NGLY1: variants seen among roughly 807,000 people sequenced by gnomAD.
NGLY1 encodes peptide-N(4)-(N-acetyl-beta-glucosaminyl)asparagine amidase.
NGLY1 carries 68 observed loss-of-function variants against 84.6 expected under a neutral mutation model. The observed-to-expected ratio is 0.80, with a 90% CI of 0.66 to 0.98. NGLY1 has a LOEUF of 0.98. Among genes scored for constraint, NGLY1 ranks in the 50% least tolerant of loss-of-function variants. The pLI, the probability that NGLY1 is intolerant of heterozygous loss-of-function variation, is 0.00. For missense variants in NGLY1, 779 were observed against 770.2 expected (o/e 1.01, Z -0.14); for synonymous variants, 280 against 275.2 (o/e 1.02, Z -0.17).
chr3:25,754,664 GA>G (rs34986608), intron 3 of NGLY1, among the ~76,000 whole-genome samples: 98,920 of 145,806 alleles, frequency 0.68, 37,823 homozygotes, highest in East Asian at 0.94. Context: ...CAACTGTTAG[GA>G]AAAAAAAAAA....
chr3:25,733,507 GTGTGTGTGTA>G (rs1386444026), intron 8 of NGLY1, among the ~76,000 whole-genome samples: 95 of 147,410 alleles, frequency 6.4e-4, no homozygotes, highest in African/African-American at 2.1e-3. Context: ...GTGTGTGTGT[GTGTGTGTGTA>G]TGTACATACA....
At chr3:25,744,910 G>C (rs1706342182) in intron 4 of NGLY1, among the ~76,000 whole-genome samples, 1 of 152,130 alleles carries the variant, frequency 6.6e-6, no homozygotes, top group African/African-American at 2.4e-5. Context: ...AAGGCACCTA[G>C]GTCTTTGATG....
chr3:25,734,960 A>G (rs1033376804), intron 7 of NGLY1: 1 of 550,342 alleles, frequency 1.8e-6, no homozygotes, highest in Admixed American at 6.4e-5. Context: ...ATACAAGTGG[A>G]AAGACAATTC....
intron 4 of NGLY1, chr3:25,749,803 C>T (rs774824362): frequency 6.3e-6 from 8 of 1,276,444 alleles, no homozygotes; most frequent in Non-Finnish European, 9.0e-6. Flanking sequence ...ATGTTTCCTC[C>T]AAGAACTGCA....
At chr3:25,745,527 T>C (rs1706374624) in intron 4 of NGLY1, among the ~76,000 whole-genome samples, 1 of 152,224 alleles carries the variant, frequency 6.6e-6, no homozygotes, top group Admixed American at 6.5e-5. Context: ...TTTAATTTCC[T>C]AGTTGCCTAG....
intron 1 of NGLY1, among the ~76,000 whole-genome samples, chr3:25,789,499 G>T (rs1037235772): frequency 2.0e-5 from 3 of 152,148 alleles, no homozygotes; most frequent in African/African-American, 7.2e-5. Flanking sequence ...GACCTTTAAA[G>T]AATTATTTTT....
upstream of NGLY1, among the ~76,000 whole-genome samples, chr3:25,786,322 CA>C (rs1351398769): frequency 2.0e-3 from 233 of 114,600 alleles, no homozygotes; most frequent in Middle Eastern, 4.7e-3. Flanking sequence ...GACTCTACCT[CA>C]AAAAAAAAAA....
chr3:25,740,423 C>T (rs1292459651), intron 4 of NGLY1, among the ~76,000 whole-genome samples: 1 of 152,068 alleles, frequency 6.6e-6, no homozygotes, highest in Non-Finnish European at 1.5e-5. Flanking sequence ...ACAGATCTCT[C>T]TTGTTCATAT....
upstream of NGLY1, among the ~76,000 whole-genome samples, chr3:25,787,819 T>C (rs115705387): frequency 1.9e-3 from 287 of 152,332 alleles, 1 homozygote; most frequent in African/African-American, 6.8e-3. Context: ...GTCCCACACT[T>C]CAAATTTGAC....
In NGLY1 at chr3:25,783,008, G is replaced by A; in HGVS notation, c.131+252C>T. 2.3e-6 allele frequency: 1 copy of A among 443,170 alleles called. No individual in the cohort carries two copies. The highest frequency in any genetic ancestry group is 2.7e-5 in the South Asian group (1 of 37,090). 27.5% of individuals were successfully genotyped at this position (443,170 alleles called of 1,614,324 possible). On this transcript the variant is annotated intron_variant, in intron 1 of 11. Transcript: ENST00000280700. This position sits in a 1 kb window ranked among gnomAD's most constrained non-coding sequence, Gnocchi z 4.5. ...CTTCCGGGACTCCAGTTCACCCGCA[G>A]CACCCTGACTGCAGGTGCCAAGTCA...
intron 4 of NGLY1, among the ~76,000 whole-genome samples, chr3:25,750,818 G>C (rs1055307310): frequency 6.6e-6 from 1 of 152,086 alleles, no homozygotes; most frequent in Non-Finnish European, 1.5e-5. Flanking sequence ...CTGTCCCTCA[G>C]TATATGCTGG....
intron 2 of NGLY1, chr3:25,778,350 A>G (rs1428716813): frequency 1.1e-5 from 4 of 360,292 alleles, no homozygotes; most frequent in Non-Finnish European, 2.0e-5. Context: ...TAAAGAACTG[A>G]GACTCGTAAG....
At chr3:25,768,566 T>A in intron 2 of NGLY1, among the ~76,000 whole-genome samples, 1 of 146,758 alleles carries the variant, frequency 6.8e-6, no homozygotes, top group South Asian at 2.2e-4. Flanking sequence ...TAAGACTTTT[T>A]TTTTTTTTTT....
At chr3:25,779,432 A>AT (rs1708310249) in intron 1 of NGLY1, among the ~76,000 whole-genome samples, 2 of 152,254 alleles carry the variant, frequency 1.3e-5, no homozygotes, top group Admixed American at 1.3e-4. Context: ...TAAGCTAATC[A>AT]TAGTATTATA....
Position 25,783,407 on chromosome 3 carries a change from G to GCGCCGC in NGLY1, c.-23_-18dup. 6.6e-7 allele frequency: 1 copy of GCGCCGC among 1,522,682 alleles called. No homozygotes were observed. Among genetic ancestry groups the GCGCCGC allele is most frequent in the Non-Finnish European group, 8.8e-7 (1 of 1,136,380 alleles). 94.3% of individuals were successfully genotyped at this position (1,522,682 alleles called of 1,614,324 possible). A position where few individuals can be genotyped will look rare whatever the true frequency, so the allele number is the denominator to read the frequency against. Reference sequence around the variant, plus strand: ...CGCCGCCATGCTTGAGCGCCAGCGGGCGCCGCCGCCGCCCCTCGCTCTCCG... The same window carrying GCGCCGC: ...CGCCGCCATGCTTGAGCGCCAGCGGGCGCCGCCGCCGCCGCCGCCCCTCGCTCTCCG... On this transcript the variant is annotated 5_prime_UTR_variant, in exon 1 of 12. Coordinates refer to ENST00000280700, the MANE Select transcript of NGLY1 (RefSeq NM_018297.4). This position sits in a 1 kb window ranked among gnomAD's most constrained non-coding sequence, Gnocchi z 4.5.
rs746574174 is a variant in NGLY1 at position 25,751,271 on chromosome 3, G to GAA, written c.493-10_493-9dup. On this transcript the variant is annotated splice_polypyrimidine_tract_variant and intron_variant, in intron 3 of 11. Coordinates refer to ENST00000280700, the MANE Select transcript of NGLY1 (RefSeq NM_018297.4). Reference sequence around the variant, plus strand: ...GGCTGAGTCAGCAGCAACCTAATAGGAAAAAAAAAAACTGAAATTAACTTT... The same window carrying GAA: ...GGCTGAGTCAGCAGCAACCTAATAGGAAAAAAAAAAAAACTGAAATTAACTTT... 260 of 1,174,278 alleles carry GAA rather than the reference G, an allele frequency of 2.2e-4. No homozygotes were observed. Among genetic ancestry groups the GAA allele is most frequent in the South Asian group, 9.4e-4 (50 of 53,242 alleles). The allele number at this position is 1,174,278 out of a possible 1,614,324, so 72.7% of individuals were successfully genotyped here.
chr3:25,758,269 G>C (rs1321479942), intron 3 of NGLY1, among the ~76,000 whole-genome samples: 3 of 152,124 alleles, frequency 2.0e-5, no homozygotes, highest in African/African-American at 4.8e-5. Context: ...CATTCATTAG[G>C]TAATATAGTA....
intron 2 of NGLY1, among the ~76,000 whole-genome samples, chr3:25,767,086 G>C (rs780687168): frequency 6.6e-6 from 1 of 152,124 alleles, no homozygotes; most frequent in African/African-American, 2.4e-5. Flanking sequence ...AAGGTCACGA[G>C]TTTGAGATCA....
intron 2 of NGLY1, among the ~76,000 whole-genome samples, chr3:25,769,325 G>A (rs1041174750): frequency 6.6e-6 from 1 of 152,090 alleles, no homozygotes; most frequent in South Asian, 2.1e-4. Flanking sequence ...TGTGCCACTA[G>A]ACTCCAGCCT....
Sources: allele counts gnomAD v4.1 joint callset (sites outside exome capture counted in the v4.1 genomes callset), GRCh38; gene constraint gnomAD v4.1.1; non-coding constraint Gnocchi (gnomAD v3.1); transcripts MANE v1.5; gene names NCBI Gene and HGNC (gene_info 2026-07-23, HGNC 2026-07-21).